The following CSMD1 variants were observed in gnomAD, a reference collection of about 807,000 sequenced individuals.
The protein encoded by CSMD1 is CUB and Sushi multiple domains 1.
CSMD1 carries 213 observed loss-of-function variants against 417.5 expected under a neutral mutation model. The observed-to-expected ratio is 0.51, with a 90% CI of 0.46 to 0.57. The LOEUF (loss-of-function observed/expected upper bound fraction) is 0.57. Among genes scored for constraint, CSMD1 ranks in the 20% least tolerant of loss-of-function variants. CSMD1 has a pLI of 0.00. For missense variants in CSMD1, 6,923 were observed against 4,529.7 expected (o/e 1.53, Z -15.17); for synonymous variants, 2,862 against 1,736.8 (o/e 1.65, Z -16.11).
At chr8:3,155,308 T>C (rs1036192898) in intron 39 of CSMD1, among the ~76,000 whole-genome samples, 10 of 150,974 alleles carry the variant, frequency 6.6e-5, no homozygotes, top group Non-Finnish European at 1.2e-4. Context: ...GCAGTTTTAA[T>C]TGTTTCGTTT....
chr8:4,747,363 G>A (rs928617643), intron 1 of CSMD1, among the ~76,000 whole-genome samples: 7 of 152,114 alleles, frequency 4.6e-5, no homozygotes, highest in African/African-American at 1.7e-4. Flanking sequence ...AATATTCTAG[G>A]ATACGGTTTT....
chr8:4,073,896 C>T (rs2130788139), intron 3 of CSMD1, among the ~76,000 whole-genome samples: 1 of 152,144 alleles, frequency 6.6e-6, no homozygotes, highest in South Asian at 2.1e-4. Flanking sequence ...TACAGCTATA[C>T]AAATATTTCA....
At chr8:3,745,703 A>G (rs1797033696) in intron 6 of CSMD1, among the ~76,000 whole-genome samples, 1 of 152,214 alleles carries the variant, frequency 6.6e-6, no homozygotes, top group Non-Finnish European at 1.5e-5. Context: ...TAAGGACGTT[A>G]ACCTCCTCAG....
chr8:3,832,701 C>G (rs1406634252), intron 5 of CSMD1, among the ~76,000 whole-genome samples: 1 of 152,116 alleles, frequency 6.6e-6, no homozygotes, highest in Non-Finnish European at 1.5e-5. Context: ...GACTGTATTT[C>G]AGAACGAAAC....
intron 26 of CSMD1, among the ~76,000 whole-genome samples, chr8:3,280,505 G>T (rs959259322): frequency 6.6e-6 from 1 of 152,016 alleles, no homozygotes; most frequent in Admixed American, 6.6e-5. Flanking sequence ...TCATTTAAAT[G>T]CCTCAGAGTC....
At chr8:4,796,537 C>G (rs758868086) in intron 1 of CSMD1, among the ~76,000 whole-genome samples, 2 of 151,864 alleles carry the variant, frequency 1.3e-5, no homozygotes, top group South Asian at 2.1e-4. Flanking sequence ...CCCTCAGACA[C>G]GCTCTCAGAC....
At chr8:4,946,612 G>A (rs1236391151) in intron 1 of CSMD1, among the ~76,000 whole-genome samples, 1 of 152,162 alleles carries the variant, frequency 6.6e-6, no homozygotes, top group African/African-American at 2.4e-5. Flanking sequence ...GTCTAAGGAA[G>A]GAGGTACTAA....
intron 1 of CSMD1, among the ~76,000 whole-genome samples, chr8:4,903,157 T>C (rs1299877502): frequency 6.6e-6 from 1 of 152,112 alleles, no homozygotes; most frequent in East Asian, 1.9e-4. Flanking sequence ...TCTTGAACAG[T>C]TTGTAATGCA....
chr8:3,815,144 C>T (rs1057440922), intron 5 of CSMD1, among the ~76,000 whole-genome samples: 1 of 152,012 alleles, frequency 6.6e-6, no homozygotes, highest in East Asian at 1.9e-4. Flanking sequence ...AGTATTTCTC[C>T]CAGATATAGG....
chr8:3,827,163 T>C (rs552386284), intron 5 of CSMD1, among the ~76,000 whole-genome samples: 3 of 152,172 alleles, frequency 2.0e-5, no homozygotes, highest in Non-Finnish European at 2.9e-5. Flanking sequence ...AGAACCTTAA[T>C]GTACTTATGT....
Position 3,876,264 on chromosome 8 carries a change from G to T in CSMD1, c.818+121639C>A, listed in dbSNP as rs567987587. On this transcript the variant is annotated intron_variant, in intron 5 of 69. Coordinates refer to ENST00000635120, the MANE Select transcript of CSMD1 (RefSeq NM_033225.6). The stretch of plus-strand genomic sequence containing the variant: ...CGTTTAAAATCAAATGCATTCACGT[G>T]TTGTTTTATTTACCTTAGAAGTTTT... Among the ~76,000 whole-genome samples, 16 of 152,248 alleles carry T rather than the reference G, an allele frequency of 1.1e-4. No homozygotes were observed. The East Asian group carries it at 2.9e-3, about 28-fold the overall frequency.
intron 2 of CSMD1, among the ~76,000 whole-genome samples, chr8:4,427,423 G>C (rs1585057238): frequency 1.3e-5 from 2 of 151,804 alleles, no homozygotes; most frequent in African/African-American, 2.4e-5. Flanking sequence ...GAACTCTCTT[G>C]GACTTAGATA....
At chr8:3,312,938 A>C (rs978365143) in intron 23 of CSMD1, among the ~76,000 whole-genome samples, 1 of 152,212 alleles carries the variant, frequency 6.6e-6, no homozygotes, top group Non-Finnish European at 1.5e-5. Context: ...ATTGAGCTTT[A>C]CTTGCTGTGT....
intron 7 of CSMD1, among the ~76,000 whole-genome samples, chr8:3,680,151 C>A (rs945407796): frequency 6.6e-6 from 1 of 151,954 alleles, no homozygotes; most frequent in Non-Finnish European, 1.5e-5. Context: ...CAAACACATT[C>A]AAAAACTAGC....
At chr8:3,245,007 C>T (rs1020469085) in intron 26 of CSMD1, among the ~76,000 whole-genome samples, 2 of 152,174 alleles carry the variant, frequency 1.3e-5, no homozygotes, top group African/African-American at 4.8e-5. Context: ...GAGGGAGATT[C>T]TGAATTTGGT....
intron 7 of CSMD1, among the ~76,000 whole-genome samples, chr8:3,649,903 G>A (rs1278691717): frequency 6.6e-6 from 1 of 152,122 alleles, no homozygotes; most frequent in African/African-American, 2.4e-5. Context: ...CTAGCCCAGA[G>A]CTTTGTGCAT....
At chr8:3,912,262 T>A (rs1403318611) in intron 5 of CSMD1, among the ~76,000 whole-genome samples, 1 of 152,174 alleles carries the variant, frequency 6.6e-6, no homozygotes, top group Non-Finnish European at 1.5e-5. Context: ...ATATCACTAA[T>A]TATTCAAAAA....
In CSMD1 at chr8:2,999,825, G is replaced by C. The variant is rs1807239685; in HGVS notation, c.8203+133C>G. ...GGCACCTCTCCTGTTCTCTTTCTTT[G>C]TATAGGCAAAACTGAAAGTTTGCTG... On this transcript the variant is annotated intron_variant, in intron 53 of 69. Transcript: ENST00000635120. 3.6e-5 allele frequency: 26 copies of C among 730,260 alleles called. No homozygotes were observed. The South Asian group carries it at 7.0e-4, about 20-fold the overall frequency. The allele number at this position is 730,260 out of a possible 1,614,324, so 45.2% of individuals were successfully genotyped here.
intron 49 of CSMD1, among the ~76,000 whole-genome samples, chr8:3,082,511 A>T (rs1814177204): frequency 6.6e-6 from 1 of 152,124 alleles, no homozygotes; most frequent in Non-Finnish European, 1.5e-5. Flanking sequence ...TGTACTTATC[A>T]GTTTTTAAGA....
Sources: gnomAD v4.1 joint callset for allele counts (sites outside exome capture counted in the v4.1 genomes callset) on GRCh38, gnomAD v4.1.1 for gene constraint, MANE v1.5 for transcripts, NCBI Gene and HGNC (gene_info 2026-07-23, HGNC 2026-07-21) for gene names.